The following ILDR1 variants were observed in gnomAD, a reference collection of about 807,000 sequenced individuals.
ILDR1 encodes immunoglobulin like domain containing receptor 1.
Under a neutral mutation model 62.4 loss-of-function variants are expected in ILDR1, and 56 were observed. That is an observed-to-expected ratio of 0.90 (90% confidence interval 0.72 to 1.12). The LOEUF (loss-of-function observed/expected upper bound fraction) is 1.12. Among genes scored for constraint, ILDR1 ranks in the 50% most tolerant of loss-of-function variants. The pLI is 0.00. For synonymous variants in ILDR1, 284 were observed against 277.8 expected (o/e 1.02, Z -0.22); for missense variants, 736 against 710.6 (o/e 1.04, Z -0.41).
chr3:122,041,635 T>C, the ILDR1 span, among the ~76,000 whole-genome samples: 1 of 152,188 alleles, frequency 6.6e-6, no homozygotes, highest in Non-Finnish European at 1.5e-5. Context: ...TTTGTTTAAG[T>C]TTATTCCTAA....
chr3:122,045,873 G>A, the ILDR1 span, among the ~76,000 whole-genome samples: 10 of 151,428 alleles, frequency 6.6e-5, no homozygotes, highest in East Asian at 5.8e-4. Flanking sequence ...TCTTTATCCA[G>A]TTTGCCAGTC....
chr3:122,051,899 A>G, the ILDR1 span, among the ~76,000 whole-genome samples: 1 of 151,832 alleles, frequency 6.6e-6, no homozygotes, highest in African/African-American at 2.4e-5. Flanking sequence ...AAGTAGAGAG[A>G]TTTTCTGGCT....
chr3:122,038,337 C>T, the ILDR1 span, among the ~76,000 whole-genome samples: 14 of 152,254 alleles, frequency 9.2e-5, no homozygotes, highest in South Asian at 2.5e-3. Context: ...GGGGAGCAGA[C>T]ATTTAGAGAA....
At chr3:122,010,647 G>T (rs1378789939) in intron 1 of ILDR1, among the ~76,000 whole-genome samples, 1 of 152,060 alleles carries the variant, frequency 6.6e-6, no homozygotes, top group Non-Finnish European at 1.5e-5. Context: ...TTCCAGAACT[G>T]ACCTGAAATA....
chr3:122,056,601 G>A, the ILDR1 span, among the ~76,000 whole-genome samples: 3 of 152,008 alleles, frequency 2.0e-5, no homozygotes, highest in Non-Finnish European at 2.9e-5. Flanking sequence ...CAAAGTGCTG[G>A]GATTACAGGC....
intron 7 of ILDR1, among the ~76,000 whole-genome samples, chr3:121,990,106 T>C (rs1343636235): frequency 6.6e-6 from 1 of 152,120 alleles, no homozygotes; most frequent in African/African-American, 2.4e-5. Context: ...AGAGGCCCAA[T>C]TGTATTAGGA....
chr3:122,003,025 A>G (rs2071551436), intron 3 of ILDR1, among the ~76,000 whole-genome samples: 1 of 152,240 alleles, frequency 6.6e-6, no homozygotes, highest in Non-Finnish European at 1.5e-5. Flanking sequence ...TTGTGGGTCC[A>G]GCATTATGTC....
At chr3:122,029,196 G>A in the ILDR1 span, among the ~76,000 whole-genome samples, 1 of 152,140 alleles carries the variant, frequency 6.6e-6, no homozygotes, top group African/African-American at 2.4e-5. Context: ...ACATATGTAT[G>A]TAGAACAAAG....
intron 1 of ILDR1, among the ~76,000 whole-genome samples, chr3:122,018,534 A>AAAAC (rs1168969360): frequency 1.8e-4 from 27 of 152,264 alleles, no homozygotes; most frequent in East Asian, 7.7e-4. Context: ...CAGTATAATT[A>AAAAC]AAACAAACAA....
At chr3:122,061,154 G>T in the ILDR1 span, among the ~76,000 whole-genome samples, 1 of 152,080 alleles carries the variant, frequency 6.6e-6, no homozygotes, top group Admixed American at 6.6e-5. Context: ...GTCAATACAC[G>T]CCAGAAAATG....
chr3:122,057,094 G>T, the ILDR1 span, among the ~76,000 whole-genome samples: 8 of 152,270 alleles, frequency 5.3e-5, no homozygotes, highest in South Asian at 1.7e-3. Flanking sequence ...TAAAAAGCAA[G>T]CAATCAAGAA....
At chr3:122,054,533 T>C in the ILDR1 span, among the ~76,000 whole-genome samples, 1 of 152,222 alleles carries the variant, frequency 6.6e-6, no homozygotes, top group Non-Finnish European at 1.5e-5. Flanking sequence ...CATTTAGGGT[T>C]GAGTAAGATG....
chr3:122,053,674 C>T, the ILDR1 span, among the ~76,000 whole-genome samples: 1 of 152,096 alleles, frequency 6.6e-6, no homozygotes, highest in Non-Finnish European at 1.5e-5. Context: ...GCCATTACAG[C>T]CAGCTTTCAC....
Position 122,022,038 on chromosome 3 carries a change from A to C in ILDR1, c.40T>G (p.Cys14Gly), listed in dbSNP as rs1360424254. ...PKLPAPWLLLCTWLPAGCLSL... is the reference protein window; with the variant it reads ...PKLPAPWLLLGTWLPAGCLSL... Reference sequence around the variant, plus strand: ...GGCTCACCTGCTGGGAGCCAGGTGCAGAGCAGCAGCCAAGGTGCGGGCAGT... The same window carrying C: ...GGCTCACCTGCTGGGAGCCAGGTGCCGAGCAGCAGCCAAGGTGCGGGCAGT... Residue 14 changes from cysteine to glycine, a missense_variant, in exon 1 of 8, where the codon TGC (cysteine) becomes GGC (glycine). Cys to Gly is a radical substitution (Grantham distance 159, BLOSUM62 -3). Transcript: ENST00000344209. 6.2e-7 allele frequency: 1 copy of C among 1,611,726 alleles called. No individual in the cohort carries two copies.
At chr3:122,055,412 G>T in the ILDR1 span, 1 of 1,411,682 alleles carries the variant, frequency 7.1e-7, no homozygotes, top group Admixed American at 1.7e-5. Context: ...CTTCTCTGCT[G>T]CTGTAACAGG....
At position 122,007,105 on chromosome 3, in the gene ILDR1, C is replaced by T; in HGVS notation, c.115G>A (p.Ala39Thr). Residue 39 changes from alanine to threonine, a missense_variant, in exon 2 of 8, where the codon GCC becomes ACC. Ala to Thr is a moderately conservative substitution (Grantham distance 58, BLOSUM62 0). Coordinates refer to ENST00000344209, the MANE Select transcript of ILDR1 (RefSeq NM_001199799.2). ...TAGTCACATTTGAGGATGATAGAGGCAAACAGGGTGACATAGCGTTCTGTG... is the reference window on the plus strand; with the variant it reads ...TAGTCACATTTGAGGATGATAGAGGTAAACAGGGTGACATAGCGTTCTGTG... ...QHTERYVTLF[A>T]SIILKCDYTT... 2 of 1,614,136 alleles carry T rather than the reference C, an allele frequency of 1.2e-6. No individual in the cohort carries two copies. The highest frequency in any genetic ancestry group is 1.7e-6 in the Non-Finnish European group (2 of 1,180,004).
the ILDR1 span, among the ~76,000 whole-genome samples, chr3:122,045,398 A>G: frequency 6.6e-6 from 1 of 151,790 alleles, no homozygotes; most frequent in Admixed American, 6.6e-5. Flanking sequence ...TATTGTGTTG[A>G]TTTGGGGTGG....
intron 5 of ILDR1, among the ~76,000 whole-genome samples, chr3:121,995,814 C>T (rs1576717625): frequency 6.6e-6 from 1 of 152,304 alleles, no homozygotes; most frequent in East Asian, 1.9e-4. Context: ...TCTGAAAAAT[C>T]TCTTCACGTG....
intron 1 of ILDR1, among the ~76,000 whole-genome samples, chr3:122,012,194 G>A (rs1045976923): frequency 2.0e-5 from 3 of 152,172 alleles, no homozygotes; most frequent in African/African-American, 7.2e-5. Context: ...GAGTTTTCAA[G>A]AAAGGACCCA....
Sources: allele counts gnomAD v4.1 joint callset (sites outside exome capture counted in the v4.1 genomes callset), GRCh38; gene constraint gnomAD v4.1.1; transcripts MANE v1.5; gene names NCBI Gene and HGNC (gene_info 2026-07-23, HGNC 2026-07-21).